PDGFRA: variants seen among roughly 807,000 people sequenced by gnomAD.
PDGFRA encodes the protein platelet derived growth factor receptor alpha.
A neutral mutation model predicts 121.5 loss-of-function variants in PDGFRA; 25 were observed. The observed-to-expected ratio is 0.21, with a 90% confidence interval of 0.15 to 0.29. The LOEUF is 0.29. PDGFRA is among the 10% of genes least tolerant of loss of function. The pLI is 1.00. For missense variants in PDGFRA, 1,008 were observed against 1,345.1 expected (o/e 0.75, Z 3.92); for synonymous variants, 463 against 494.8 (o/e 0.94, Z 0.85).
intron 1 of PDGFRA, among the ~76,000 whole-genome samples, chr4:54,247,423 A>G (rs560417632): frequency 1.4e-4 from 21 of 152,336 alleles, no homozygotes; most frequent in Admixed American, 9.2e-4. Context: ...ATATACCCAA[A>G]TCAATAAATG....
chr4:54,296,119 A>G lies in PDGFRA; in HGVS notation c.*847A>G, dbSNP rs1186024871. The stretch of plus-strand genomic sequence containing the variant: ...TTTAGTGAATTAAATTTAGTTGAGC[A>G]TAGAGAACAAAGTAAAAGTAGTGTT... On this transcript the variant is annotated 3_prime_UTR_variant, in exon 23 of 23. Transcript: ENST00000257290. The G allele has an allele frequency of 4.3e-5, 10 of 232,770 alleles. No homozygotes were observed. The highest frequency in any genetic ancestry group is 8.8e-5 in the African/African-American group (4 of 45,334). 14.4% of individuals were successfully genotyped at this position (232,770 alleles called of 1,614,324 possible).
intron 1 of PDGFRA, among the ~76,000 whole-genome samples, chr4:54,247,286 A>G (rs928588138): frequency 6.6e-6 from 1 of 152,220 alleles, no homozygotes; most frequent in African/African-American, 2.4e-5. Context: ...TTTTAGACCA[A>G]TATCCTTGGT....
At chr4:54,294,663 G>A (rs1164109252) in intron 22 of PDGFRA, among the ~76,000 whole-genome samples, 1 of 152,072 alleles carries the variant, frequency 6.6e-6, no homozygotes, top group East Asian at 1.9e-4. Context: ...GATGTCAAGA[G>A]AGAGGGGAAG....
chr4:54,268,757 A>G (rs759217729), intron 7 of PDGFRA, among the ~76,000 whole-genome samples: 12 of 152,242 alleles, frequency 7.9e-5, no homozygotes, highest in Non-Finnish European at 1.6e-4. Context: ...TACAACAAGG[A>G]GGGCAGCTTT....
At chr4:54,273,399 G>A in intron 9 of PDGFRA, 138 bp from the exon 10 acceptor site, 1 of 711,284 alleles carries the variant, frequency 1.4e-6, no homozygotes, top group South Asian at 1.5e-5. Context: ...TCATCTGCAT[G>A]TAAAATAAAT....
intron 1 of PDGFRA, among the ~76,000 whole-genome samples, chr4:54,255,506 CTT>C (rs375357866): frequency 1.9e-4 from 26 of 138,028 alleles, no homozygotes; most frequent in Admixed American, 2.2e-4. Flanking sequence ...TCTCCCCTTT[CTT>C]TTTTTTTTTT....
At chr4:54,285,142 C>T (rs1724274197) in intron 16 of PDGFRA, among the ~76,000 whole-genome samples, 1 of 151,828 alleles carries the variant, frequency 6.6e-6, no homozygotes, top group Non-Finnish European at 1.5e-5. Flanking sequence ...GCAATCCACC[C>T]ACCTCGGCCT....
chr4:54,271,837 T>TCCC (rs1723385892), intron 8 of PDGFRA, among the ~76,000 whole-genome samples: 1 of 135,668 alleles, frequency 7.4e-6, no homozygotes, highest in African/African-American at 3.0e-5. Flanking sequence ...TTCCTTCCTT[T>TCCC]TCCTCCCTCC....
intron 7 of PDGFRA, among the ~76,000 whole-genome samples, chr4:54,270,247 C>T (rs986286924): frequency 1.3e-5 from 2 of 152,072 alleles, no homozygotes; most frequent in African/African-American, 2.4e-5. Flanking sequence ...GGCTGAACCA[C>T]CTAAATGATG....
chr4:54,243,380 CA>C (rs1366799623), intron 1 of PDGFRA, among the ~76,000 whole-genome samples: 10 of 152,108 alleles, frequency 6.6e-5, no homozygotes, highest in Non-Finnish European at 1.2e-4. Context: ...GTAAGGAAAG[CA>C]AAATGTGTTT....
intron 21 of PDGFRA, among the ~76,000 whole-genome samples, chr4:54,289,928 C>A (rs1243073592): frequency 1.3e-5 from 2 of 152,182 alleles, no homozygotes; most frequent in South Asian, 4.1e-4. Context: ...CAATGTTAGA[C>A]CTCTCCAATG....
rs1577705191 is a variant in PDGFRA at position 54,261,213 on chromosome 4, C to A, written c.168C>A (p.Ser56Arg). 1 of 1,614,136 alleles carries A rather than the reference C, an allele frequency of 6.2e-7. No individual in the cohort carries two copies. Residue 56 changes from serine (S) to arginine (R), a missense_variant, in exon 3 of 23, where the codon AGC (serine) becomes AGA (arginine). Physicochemically the swap from Ser to Arg is moderately radical, Grantham distance 110. Around this residue, in one of 5 missense-constraint regions of PDGFRA, gnomAD observed 575 missense variants for 701.8 expected, o/e 0.82. Transcript: ENST00000257290. ...SLRCFGESEV[S>R]WQYPMSEEES... is the part of the protein sequence containing the mutation. ...GATGCTTTGGGGAGAGTGAAGTGAGCTGGCAGTACCCCATGTCTGAAGAAG... is the reference window on the plus strand; with the variant it reads ...GATGCTTTGGGGAGAGTGAAGTGAGATGGCAGTACCCCATGTCTGAAGAAG...
intron 1 of PDGFRA, among the ~76,000 whole-genome samples, chr4:54,256,687 G>A (rs1478333697): frequency 2.0e-5 from 3 of 151,994 alleles, no homozygotes; most frequent in African/African-American, 7.3e-5. Flanking sequence ...TGAGCTGGGT[G>A]TGGTGGTTTC....
chr4:54,267,634 G>T lies in PDGFRA; in HGVS notation c.1014G>T (p.Glu338Asp). 2 of 1,614,134 alleles carry T rather than the reference G, an allele frequency of 1.2e-6. No individual in the cohort carries two copies. The highest frequency in any genetic ancestry group is 1.7e-6 in the Non-Finnish European group (2 of 1,179,998). Residue 338 changes from glutamate (E) to aspartate (D), a missense_variant, in exon 7 of 23, where the codon GAG (glutamate) becomes GAT (aspartate). By Grantham distance (45) the Glu-to-Asp change is conservative. This residue lies in a region of PDGFRA where 575 missense variants were observed against 701.8 expected (regional missense o/e 0.82). Transcript: ENST00000257290. ...ATGAAGTCAAACATTTTGTTGTAGAGGTGCGGGCCTACCCACCTCCCAGGA... is the reference window on the plus strand; with the variant it reads ...ATGAAGTCAAACATTTTGTTGTAGATGTGCGGGCCTACCCACCTCCCAGGA... ...NLHEVKHFVV[E>D]VRAYPPPRIS... is the part of the protein sequence containing the mutation.
chr4:54,286,985 T>C (rs1199049330), intron 18 of PDGFRA, among the ~76,000 whole-genome samples: 4 of 152,174 alleles, frequency 2.6e-5, no homozygotes, highest in African/African-American at 9.7e-5. Context: ...AGCTGCTGCT[T>C]CCACCTAGAG....
Position 54,287,540 on chromosome 4 carries a change from T to G in PDGFRA, c.2673T>G (p.Leu891=). 1 of 1,206,906 alleles carries G rather than the reference T, an allele frequency of 8.3e-7. No individual in the cohort carries two copies. The highest frequency in any genetic ancestry group is 1.2e-5 in the South Asian group (1 of 83,014). 74.8% of individuals were successfully genotyped at this position (1,206,906 alleles called of 1,614,324 possible). A position where few individuals can be genotyped will look rare whatever the true frequency, so the allele number is the denominator to read the frequency against. The change falls in exon 19 of 23, where the codon CTT becomes CTG. Residue 891 remains leucine, a splice_region_variant and synonymous_variant. Transcript: ENST00000257290. ...TTCTGCTCTGGGAGATCTTTTCCCT[T>G]GGTATGGGCCTGACATTGCTGCTTA... ...YGILLWEIFS[L]GGTPYPGMMV...
chr4:54,267,301 A>G lies in PDGFRA; in HGVS notation c.772A>G (p.Ile258Val), dbSNP rs1039985533. The G allele has an allele frequency of 8.1e-6, 13 of 1,614,078 alleles. No homozygotes were observed. The African/African-American group carries it at 1.2e-4, about 15-fold the overall frequency. The change falls in exon 6 of 23, where the codon ATC becomes GTC. Residue 258 changes from isoleucine (I) to valine (V), a missense_variant. By Grantham distance (29) the Ile-to-Val change is conservative. Transcript: ENST00000257290. ...CCTTTTGCTGTAGAAAGGCAAAGGC[A>G]TCACAATGCTGGAAGAAATCAAAGT... is the stretch of plus-strand genomic sequence containing the variant. ...TYPGEVKGKG[I>V]TMLEEIKVPS... is the part of the protein sequence containing the mutation.
At chr4:54,271,682 C>T (rs897494346) in intron 8 of PDGFRA, among the ~76,000 whole-genome samples, 5 of 149,196 alleles carry the variant, frequency 3.4e-5, no homozygotes, top group Non-Finnish European at 7.4e-5. Context: ...CTTCTTCCCT[C>T]CCTCCTTTGT....
intron 1 of PDGFRA, among the ~76,000 whole-genome samples, chr4:54,231,271 C>G (rs2110162685): frequency 6.6e-6 from 1 of 152,366 alleles, no homozygotes; most frequent in East Asian, 1.9e-4. Context: ...GTCCGAAAAG[C>G]CGCGGGCTGG....
Sources: allele counts gnomAD v4.1 joint callset (sites outside exome capture counted in the v4.1 genomes callset), GRCh38; gene constraint gnomAD v4.1.1; regional missense constraint gnomAD v4.1.1; transcripts MANE v1.5; gene names NCBI Gene and HGNC (gene_info 2026-07-23, HGNC 2026-07-21).